The following ALK variants were observed in gnomAD, a reference collection of about 807,000 sequenced individuals.
The protein encoded by ALK is ALK receptor tyrosine kinase.
In ALK, 74 loss-of-function variants were observed where a neutral mutation model predicts 163.1. That is an observed-to-expected ratio of 0.45 (90% confidence interval 0.38 to 0.55). The LOEUF is 0.55. ALK is among the 20% of genes least tolerant of loss of function. ALK has a pLI of 0.00. For missense variants in ALK, 2,063 were observed against 2,105.3 expected (o/e 0.98, Z 0.39); for synonymous variants, 960 against 843.2 (o/e 1.14, Z -2.40).
At chr2:29,398,543 T>A (rs1669366360) in intron 4 of ALK, among the ~76,000 whole-genome samples, 1 of 152,002 alleles carries the variant, frequency 6.6e-6, no homozygotes. Context: ...AGCAGAAACC[T>A]CCAAAGAGTC....
chr2:29,441,620 T>C (rs3924210), intron 4 of ALK, among the ~76,000 whole-genome samples: 37,838 of 152,122 alleles, frequency 0.25, 4,903 homozygotes, highest in East Asian at 0.33. Flanking sequence ...ATAACCAGCA[T>C]GATTGTAGCT....
chr2:29,897,791 T>C (rs1667308114), intron 1 of ALK, among the ~76,000 whole-genome samples: 1 of 152,186 alleles, frequency 6.6e-6, no homozygotes, highest in African/African-American at 2.4e-5. Flanking sequence ...CAAATGTCCA[T>C]GCCCCTCCTG....
intron 9 of ALK, among the ~76,000 whole-genome samples, chr2:29,283,955 C>T (rs767595511): frequency 1.3e-5 from 2 of 151,956 alleles, no homozygotes; most frequent in South Asian, 2.1e-4. Flanking sequence ...ACCTTGCTCC[C>T]GAGGATTTCA....
intron 13 of ALK, among the ~76,000 whole-genome samples, chr2:29,237,382 A>T (rs1664412708): frequency 6.6e-6 from 1 of 152,128 alleles, no homozygotes; most frequent in African/African-American, 2.4e-5. Flanking sequence ...TATGGCTCCA[A>T]CATGCCTTAA....
chr2:29,305,286 A>G (rs1471186518), intron 8 of ALK, among the ~76,000 whole-genome samples: 10 of 152,276 alleles, frequency 6.6e-5, no homozygotes, highest in African/African-American at 1.7e-4. Context: ...CTCTAGAAAA[A>G]GACTGAGAAT....
intron 1 of ALK, among the ~76,000 whole-genome samples, chr2:29,746,824 T>C (rs1680217709): frequency 6.6e-6 from 1 of 152,224 alleles, no homozygotes; most frequent in Admixed American, 6.5e-5. Context: ...CTAGTGTCTT[T>C]TCACCTGGGA....
At chr2:29,879,867 T>TC (rs1666811903) in intron 1 of ALK, among the ~76,000 whole-genome samples, 1 of 152,218 alleles carries the variant, frequency 6.6e-6, no homozygotes, top group Non-Finnish European at 1.5e-5. Context: ...GGCCGAAACT[T>TC]CATGGACCTG....
intron 4 of ALK, among the ~76,000 whole-genome samples, chr2:29,482,161 T>C (rs923099752): frequency 5.9e-5 from 9 of 152,164 alleles, no homozygotes; most frequent in Admixed American, 2.0e-4. Flanking sequence ...AAAACCCTAG[T>C]AGCATTGGAG....
Position 29,386,325 on chromosome 2 carries a change from C to A in ALK, c.1155-2466G>T, listed in dbSNP as rs143151203. 1.8e-3 allele frequency among the ~76,000 whole-genome samples: 280 copies of A among 152,280 alleles called. 4 individuals are homozygous for A. The highest frequency in any genetic ancestry group is 6.4e-3 in the African/African-American group (266 of 41,544). On this transcript the variant is annotated intron_variant, in intron 4 of 28. Transcript: ENST00000389048. ...GTTTGTTCTCTGTTACCGTACCCAG[C>A]AGGATTTCCATCCACAATAAAACTG... is the stretch of plus-strand genomic sequence containing the variant.
rs190636977 is a variant in ALK at position 29,407,072 on chromosome 2, G to A, written c.1155-23213C>T. On this transcript the variant is annotated intron_variant, in intron 4 of 28. Transcript: ENST00000389048. ...ATCTTATTTTGTGCATGAAGTCCGC[G>A]TGCTGCATCACTTGTGGTTCATCCT... Among the ~76,000 whole-genome samples the A allele has an allele frequency of 1.6e-4, 25 of 152,272 alleles. 1 individual carries two copies. In the East Asian group the frequency reaches 4.4e-3, roughly 27 times the overall value.
At chr2:29,481,330 C>G (rs554362678) in intron 4 of ALK, among the ~76,000 whole-genome samples, 1 of 152,296 alleles carries the variant, frequency 6.6e-6, no homozygotes, top group East Asian at 1.9e-4. Flanking sequence ...CCCCTGTAAA[C>G]AAATTTAGAT....
At chr2:29,403,882 A>G (rs1490540092) in intron 4 of ALK, among the ~76,000 whole-genome samples, 1 of 152,120 alleles carries the variant, frequency 6.6e-6, no homozygotes, top group Non-Finnish European at 1.5e-5. Flanking sequence ...ACTGCACCCC[A>G]ACTTGAGCAA....
intron 3 of ALK, among the ~76,000 whole-genome samples, chr2:29,647,984 G>A (rs2148251295): frequency 6.6e-6 from 1 of 152,180 alleles, no homozygotes; most frequent in East Asian, 1.9e-4. Context: ...GGATGACAAA[G>A]TTATCATGTT....
chr2:29,267,097 T>C (rs1390719883), intron 11 of ALK, among the ~76,000 whole-genome samples: 1 of 152,046 alleles, frequency 6.6e-6, no homozygotes, highest in Non-Finnish European at 1.5e-5. Flanking sequence ...TCTCTCTCTC[T>C]CTCCCCACCC....
intron 4 of ALK, among the ~76,000 whole-genome samples, chr2:29,527,801 C>T (rs1672997285): frequency 6.6e-6 from 1 of 152,164 alleles, no homozygotes; most frequent in Non-Finnish European, 1.5e-5. Context: ...AGGTGTGAGC[C>T]ATTGTGCCGG....
At chr2:29,441,051 T>G (rs1670528415) in intron 4 of ALK, among the ~76,000 whole-genome samples, 1 of 152,206 alleles carries the variant, frequency 6.6e-6, no homozygotes, top group African/African-American at 2.4e-5. Context: ...CAACCCAGTT[T>G]GTCCCTGCAG....
At chr2:29,353,733 A>C (rs1159694019) in intron 5 of ALK, among the ~76,000 whole-genome samples, 1 of 152,216 alleles carries the variant, frequency 6.6e-6, no homozygotes, top group Non-Finnish European at 1.5e-5. Context: ...TAAAAAAAAA[A>C]AAAGCATTTA....
intron 1 of ALK, among the ~76,000 whole-genome samples, chr2:29,879,965 T>C (rs1299938301): frequency 1.3e-5 from 2 of 152,214 alleles, no homozygotes; most frequent in South Asian, 4.1e-4. Context: ...TCCAACTCTT[T>C]ATCACCTGAG....
intron 1 of ALK, among the ~76,000 whole-genome samples, chr2:29,803,674 G>A (rs981030744): frequency 6.6e-6 from 1 of 152,122 alleles, no homozygotes; most frequent in African/African-American, 2.4e-5. Flanking sequence ...ACTGCACCAG[G>A]GTTGATTCAT....
Sources: gnomAD v4.1 joint callset for allele counts (sites outside exome capture counted in the v4.1 genomes callset) on GRCh38, gnomAD v4.1.1 for gene constraint, MANE v1.5 for transcripts, NCBI Gene and HGNC (gene_info 2026-07-23, HGNC 2026-07-21) for gene names.